DCLK2: variants seen among roughly 807,000 people sequenced by gnomAD.
The protein encoded by DCLK2 is serine/threonine-protein kinase DCLK2.
A neutral mutation model predicts 78.4 loss-of-function variants in DCLK2; 31 were observed. The ratio of observed to expected loss-of-function variants is 0.40; its 90% CI spans 0.30 to 0.53. DCLK2 has a LOEUF of 0.53. DCLK2 is among the 20% of genes least tolerant of loss of function. The probability of loss-of-function intolerance (pLI) is 0.61; values close to 1 mark genes in which losing one functional copy is unlikely to be tolerated. For missense variants in DCLK2, 872 were observed against 973.7 expected (o/e 0.90, Z 1.39); for synonymous variants, 407 against 374.9 (o/e 1.09, Z -0.99).
intron 1 of DCLK2, among the ~76,000 whole-genome samples, chr4:150,086,494 C>A (rs1406792402): frequency 7.0e-6 from 1 of 142,710 alleles, no homozygotes; most frequent in Non-Finnish European, 1.5e-5. Context: ...CTATCACAAC[C>A]AGATTCTTTT....
chr4:150,195,444 A>ATAT (rs1738953690), intron 3 of DCLK2, among the ~76,000 whole-genome samples: 1 of 66,094 alleles, frequency 1.5e-5, no homozygotes, highest in East Asian at 3.8e-4. Flanking sequence ...TATATATATA[A>ATAT]TATATATTAG....
At chr4:150,172,408 CCTGGCTAACATGGCGAAACCCCAT>C (rs1475862303) in intron 2 of DCLK2, among the ~76,000 whole-genome samples, 2 of 151,792 alleles carry the variant, frequency 1.3e-5, no homozygotes, top group Non-Finnish European at 2.9e-5. Context: ...TTGAGACCAT[CCTGGCTAACATGGCGAAACCCCAT>C]CTCTACGAAA....
rs748676395 is a variant in DCLK2 at position 150,240,496 on chromosome 4, A to T, written c.1778+20A>T. The stretch of plus-strand genomic sequence containing the variant: ...CCGAAGGTAGGCGGCCTTTTGGGCG[A>T]CGTATTTGAATTGCAAATGTTCTCC... On this transcript the variant is annotated intron_variant, in intron 12 of 15. Coordinates refer to ENST00000296550, the MANE Select transcript of DCLK2 (RefSeq NM_001040260.4). 3.8e-6 allele frequency: 6 copies of T among 1,586,966 alleles called. No individual in the cohort carries two copies. Among genetic ancestry groups the T allele is most frequent in the Admixed American group, 1.7e-5 (1 of 59,184 alleles).
At chr4:150,196,086 CTTGTA>C (rs1739010632) in intron 3 of DCLK2, among the ~76,000 whole-genome samples, 1 of 151,996 alleles carries the variant, frequency 6.6e-6, no homozygotes, top group African/African-American at 2.4e-5. Context: ...AGTTATTTAA[CTTGTA>C]TTGTAATCTT....
intron 15 of DCLK2, 109 bp from the exon 16 acceptor site, chr4:150,255,911 C>T (rs1744521804): frequency 6.8e-7 from 1 of 1,467,584 alleles, no homozygotes. Context: ...GTTATTTCTC[C>T]TCTTCTGTTT....
At chr4:150,103,212 TAACATTCTTAGA>T (rs1731008813) in intron 2 of DCLK2, among the ~76,000 whole-genome samples, 1 of 152,172 alleles carries the variant, frequency 6.6e-6, no homozygotes, top group Admixed American at 6.6e-5. Flanking sequence ...TAAAAGTATT[TAACATTCTTAGA>T]AAAACCTTTT....
intron 1 of DCLK2, among the ~76,000 whole-genome samples, chr4:150,088,346 C>G (rs1189911527): frequency 2.0e-5 from 3 of 151,568 alleles, no homozygotes; most frequent in East Asian, 1.9e-4. Context: ...AAACATTTAG[C>G]AGAGTCCTAG....
intron 5 of DCLK2, among the ~76,000 whole-genome samples, chr4:150,213,354 C>A (rs1439072626): frequency 2.6e-5 from 4 of 152,226 alleles, no homozygotes; most frequent in Non-Finnish European, 4.4e-5. Context: ...AAGCATGCAG[C>A]CTGTGTTACC....
chr4:150,177,301 C>CT (rs199522048), intron 2 of DCLK2, among the ~76,000 whole-genome samples: 4 of 151,806 alleles, frequency 2.6e-5, no homozygotes, highest in Admixed American at 6.6e-5. Flanking sequence ...TTTTAAAATG[C>CT]TTTTTTTTCC....
chr4:150,146,881 G>A (rs569364029), intron 2 of DCLK2, among the ~76,000 whole-genome samples: 18 of 152,158 alleles, frequency 1.2e-4, no homozygotes, highest in African/African-American at 3.9e-4. Context: ...ACCACCAAGA[G>A]GCTGCATAAC....
intron 13 of DCLK2, 82 bp from the exon 14 acceptor site, chr4:150,248,223 C>A: frequency 7.8e-7 from 1 of 1,275,476 alleles, no homozygotes; most frequent in Non-Finnish European, 1.1e-6. Flanking sequence ...GAAGTGCTTG[C>A]CACAAACTCA....
intron 15 of DCLK2, among the ~76,000 whole-genome samples, chr4:150,250,925 T>G (rs1236359088): frequency 5.1e-5 from 1 of 19,758 alleles, no homozygotes; most frequent in Admixed American, 7.7e-4. Flanking sequence ...ACACCACAAA[T>G]CCTCCACACC....
At chr4:150,092,886 A>G (rs1435967661) in intron 1 of DCLK2, among the ~76,000 whole-genome samples, 2 of 152,210 alleles carry the variant, frequency 1.3e-5, no homozygotes, top group African/African-American at 4.8e-5. Context: ...AGAACAAGGC[A>G]AGGATGCCCA....
In DCLK2 at chr4:150,102,707, T is replaced by TA; in HGVS notation, c.656dup (p.Thr220AspfsTer6). 6.2e-7 allele frequency: 1 copy of TA among 1,614,134 alleles called. No individual in the cohort carries two copies. The highest frequency in any genetic ancestry group is 8.5e-7 in the Non-Finnish European group (1 of 1,180,012). ...GAAAAGCCGTGCGGATCCTTCTGAATAAAAAGACTGCTCATTCCTTTGAAC... is the reference window on the plus strand; with the variant it reads ...GAAAAGCCGTGCGGATCCTTCTGAATAAAAAAGACTGCTCATTCCTTTGAAC... On this transcript the variant is annotated frameshift_variant, in exon 2 of 16. Coordinates refer to ENST00000296550, the MANE Select transcript of DCLK2 (RefSeq NM_001040260.4). LOFTEE classifies it high-confidence loss of function.
rs1740022990 is a variant in DCLK2 at position 150,208,447 on chromosome 4, A to G, written c.1056+4558A>G. Reference sequence around the variant, plus strand: ...TTTTGTTTGTTTTGTTTTGAGACGGAGTCTTGCTATGTTGCCCAGGCTGGA... The same window carrying G: ...TTTTGTTTGTTTTGTTTTGAGACGGGGTCTTGCTATGTTGCCCAGGCTGGA... On this transcript the variant is annotated intron_variant, in intron 5 of 15. Coordinates refer to ENST00000296550, the MANE Select transcript of DCLK2 (RefSeq NM_001040260.4). Among the ~76,000 whole-genome samples, 3 of 149,564 alleles carry G rather than the reference A, an allele frequency of 2.0e-5. No individual in the cohort carries two copies. The South Asian group carries it at 6.4e-4, about 32-fold the overall frequency.
intron 8 of DCLK2, among the ~76,000 whole-genome samples, chr4:150,228,995 C>T (rs1021401403): frequency 2.0e-5 from 3 of 150,314 alleles, no homozygotes; most frequent in South Asian, 2.1e-4. Flanking sequence ...CACTGCAGTC[C>T]GCAGTCCGGC....
At chr4:150,232,888 A>T in intron 10 of DCLK2, 60 bp downstream of exon 10, 1 of 1,569,224 alleles carries the variant, frequency 6.4e-7, no homozygotes, top group East Asian at 2.3e-5. Context: ...AAAGGAGCAC[A>T]TGCAAATAAT....
At chr4:150,082,401 C>G (rs1167769905) in intron 1 of DCLK2, among the ~76,000 whole-genome samples, 2 of 152,092 alleles carry the variant, frequency 1.3e-5, no homozygotes, top group Non-Finnish European at 2.9e-5. Context: ...CATTCAGAGC[C>G]CCAATCTCAT....
At chr4:150,210,211 G>A (rs780818530) in intron 5 of DCLK2, among the ~76,000 whole-genome samples, 8 of 152,168 alleles carry the variant, frequency 5.3e-5, no homozygotes, top group Non-Finnish European at 8.8e-5. Flanking sequence ...AGGACCTACC[G>A]CACAGGATTG....
Sources: gnomAD v4.1 joint callset for allele counts (sites outside exome capture counted in the v4.1 genomes callset) on GRCh38, gnomAD v4.1.1 for gene constraint, MANE v1.5 for transcripts, NCBI Gene and HGNC (gene_info 2026-07-23, HGNC 2026-07-21) for gene names.